The following IGHMBP2 variants were observed in gnomAD, a reference collection of about 807,000 sequenced individuals.
The protein encoded by IGHMBP2 is immunoglobulin mu DNA binding protein 2.
Under a neutral mutation model 96.0 loss-of-function variants are expected in IGHMBP2, and 81 were observed. The observed-to-expected ratio is 0.84, with a 90% CI of 0.71 to 1.01. The LOEUF (loss-of-function observed/expected upper bound fraction) is 1.01. Among genes scored for constraint, IGHMBP2 ranks in the 50% least tolerant of loss-of-function variants. IGHMBP2 has a pLI of 0.00. For missense variants in IGHMBP2, 1,227 were observed against 1,306.3 expected (o/e 0.94, Z 0.94); for synonymous variants, 557 against 548.9 (o/e 1.01, Z -0.21).
intron 4 of IGHMBP2, among the ~76,000 whole-genome samples, chr11:68,910,545 G>A (rs188887431): frequency 1.5e-4 from 23 of 152,332 alleles, no homozygotes; most frequent in Non-Finnish European, 2.6e-4. Flanking sequence ...TGCCATGGCT[G>A]CAGGGCTGAG....
chr11:68,935,793 G>T (rs1041435239), intron 12 of IGHMBP2, among the ~76,000 whole-genome samples: 1 of 152,252 alleles, frequency 6.6e-6, no homozygotes. Context: ...GCTGTGGTGT[G>T]TGGGCTTTCC....
intron 3 of IGHMBP2, 97 bp from the exon 4 acceptor site, chr11:68,908,437 T>G: frequency 6.9e-7 from 1 of 1,444,122 alleles, no homozygotes. Flanking sequence ...CAAGTCATGG[T>G]GTGGGTGTGG....
chr11:68,936,454 T>G lies in IGHMBP2; in HGVS notation c.1974T>G (p.Gly658=), dbSNP rs1859531837. 3 of 1,613,844 alleles carry G rather than the reference T, an allele frequency of 1.9e-6. No individual in the cohort carries two copies. Among genetic ancestry groups the G allele is most frequent in the Non-Finnish European group, 2.5e-6 (3 of 1,179,970 alleles). Residue 658 remains glycine (G), a synonymous_variant, in exon 13 of 15, where the codon GGT becomes GGG. Transcript: ENST00000255078. ...PENYSHENSQ[G]SSHAATKPQG... is the part of the protein sequence containing the mutation. ...ACTATTCCCATGAGAACTCCCAGGG[T>G]TCCAGCCACGCTGCCACCAAGCCCC...
intron 7 of IGHMBP2, among the ~76,000 whole-genome samples, chr11:68,920,863 C>G (rs113769030): frequency 2.6e-5 from 4 of 152,314 alleles, no homozygotes; most frequent in African/African-American, 9.6e-5. Context: ...CTTGCTGTAG[C>G]CTTGCATTCT....
At chr11:68,905,814 A>C (rs1858168751) in intron 1 of IGHMBP2, among the ~76,000 whole-genome samples, 1 of 152,180 alleles carries the variant, frequency 6.6e-6, no homozygotes, top group African/African-American at 2.4e-5. Flanking sequence ...ACTTAGTGAC[A>C]GATGGGAGGA....
chr11:68,915,284 A>T (rs1858617198), intron 6 of IGHMBP2, among the ~76,000 whole-genome samples: 1 of 143,104 alleles, frequency 7.0e-6, no homozygotes, highest in Admixed American at 7.3e-5. Flanking sequence ...GGTTCAAGCG[A>T]TTCTCCTGCC....
intron 10 of IGHMBP2, 87 bp downstream of exon 10, chr11:68,934,000 C>T (rs1008352768): frequency 2.4e-5 from 23 of 951,862 alleles, no homozygotes; most frequent in Middle Eastern, 2.1e-4. Flanking sequence ...TGCCTAATTC[C>T]GGGAGGAGCT....
chr11:68,918,578 G>T (rs1272875946), intron 7 of IGHMBP2, among the ~76,000 whole-genome samples: 1 of 152,036 alleles, frequency 6.6e-6, no homozygotes, highest in Non-Finnish European at 1.5e-5. Flanking sequence ...GGAGGTGGAG[G>T]TTGCAGTGAA....
chr11:68,909,691 G>T (rs1405821745), intron 4 of IGHMBP2, among the ~76,000 whole-genome samples: 1 of 148,126 alleles, frequency 6.8e-6, no homozygotes, highest in East Asian at 2.0e-4. Flanking sequence ...GCAGTGGTGC[G>T]ACCTCGGCTC....
At chr11:68,927,733 A>G (rs1054471325) in intron 7 of IGHMBP2, among the ~76,000 whole-genome samples, 2 of 152,230 alleles carry the variant, frequency 1.3e-5, no homozygotes, top group Admixed American at 6.5e-5. Context: ...GGCTGTTTGT[A>G]TTACATGAGC....
rs1859491139 is a variant in IGHMBP2 at position 68,935,524 on chromosome 11, A to G, written c.1756+102A>G. On this transcript the variant is annotated intron_variant, in intron 12 of 14. Transcript: ENST00000255078. ...GCTGGGTGCCACACTGGTTTCTGGC[A>G]GTGTGCTCATGGTGCACCTTCTGTC... is the stretch of plus-strand genomic sequence containing the variant. The G allele has an allele frequency of 2.8e-6, 4 of 1,409,772 alleles. No homozygotes were observed. In the East Asian group the frequency reaches 9.2e-5, roughly 32 times the overall value. The allele number at this position is 1,409,772 out of a possible 1,614,324, so 87.3% of individuals were successfully genotyped here.
rs115320302 is a variant in IGHMBP2, at chr11:68,934,456, C to G, written c.1538-8C>G. The G allele has an allele frequency of 9.2e-4, 1,467 of 1,600,044 alleles. 14 individuals are homozygous for G. The African/African-American group carries it at 0.018, about 19-fold the overall frequency. ...TGTGCTGCTCACCCGTTCTTTCTTT[C>G]CCTCCAGGCGAAGTCCGCCTCGTCA... On this transcript the variant is annotated splice_region_variant and splice_polypyrimidine_tract_variant and intron_variant, in intron 10 of 14. Transcript: ENST00000255078.
intron 8 of IGHMBP2, chr11:68,930,157 A>G: frequency 2.5e-6 from 3 of 1,206,266 alleles, no homozygotes; most frequent in Non-Finnish European, 3.2e-6. Flanking sequence ...AGGGCCTGGC[A>G]CGTGGGCTGT....
rs1385977297 is a variant in IGHMBP2, at chr11:68,929,206, A to C, written c.1084A>C (p.Lys362Gln). Residue 362 changes from lysine (K) to glutamine (Q), a missense_variant, in exon 8 of 15, where the codon AAG (lysine) becomes CAG (glutamine). Coordinates refer to ENST00000255078, the MANE Select transcript of IGHMBP2 (RefSeq NM_002180.3). ...AGGTGCGTCTGCCGATGGCCCCCTG[A>C]AGTTGCTGCCCGAGAGCTACTTCGA... ...NTGASADGPL[K>Q]LLPESYFDVV... The C allele has an allele frequency of 1.2e-6, 2 of 1,613,364 alleles. No individual in the cohort carries two copies. Among genetic ancestry groups the C allele is most frequent in the East Asian group, 2.2e-5 (1 of 44,872 alleles).
In IGHMBP2 at chr11:68,936,459, G is replaced by T; in HGVS notation, c.1979G>T (p.Ser660Ile). The T allele has an allele frequency of 6.2e-7, 1 of 1,613,912 alleles. No homozygotes were observed. Among genetic ancestry groups the T allele is most frequent in the Non-Finnish European group, 8.5e-7 (1 of 1,179,998 alleles). The change falls in exon 13 of 15, where the codon AGC becomes ATC. Residue 660 changes from serine (S) to isoleucine (I), a missense_variant. Ser to Ile is a moderately radical substitution (Grantham distance 142). Coordinates refer to ENST00000255078, the MANE Select transcript of IGHMBP2 (RefSeq NM_002180.3). ...TCCCATGAGAACTCCCAGGGTTCCA[G>T]CCACGCTGCCACCAAGCCCCAGGGA... Reference protein sequence around the residue: ...NYSHENSQGSSHAATKPQGPA... With the variant: ...NYSHENSQGSIHAATKPQGPA...
intron 7 of IGHMBP2, among the ~76,000 whole-genome samples, chr11:68,925,980 A>G (rs774115280): frequency 2.0e-5 from 3 of 151,128 alleles, no homozygotes; most frequent in Non-Finnish European, 3.0e-5. Flanking sequence ...CGTGTTTTTC[A>G]TCAAATTTGG....
chr11:68,925,004 A>G (rs1414452636), intron 7 of IGHMBP2, among the ~76,000 whole-genome samples: 1 of 151,924 alleles, frequency 6.6e-6, no homozygotes, highest in Non-Finnish European at 1.5e-5. Flanking sequence ...ATGTTAGCAT[A>G]TTTTATGTGT....
At chr11:68,918,332 A>G (rs1858749542) in intron 7 of IGHMBP2, among the ~76,000 whole-genome samples, 1 of 150,842 alleles carries the variant, frequency 6.6e-6, no homozygotes, top group African/African-American at 2.4e-5. Context: ...ATATATACAT[A>G]CATATATATT....
intron 7 of IGHMBP2, among the ~76,000 whole-genome samples, chr11:68,918,619 G>C (rs1004677999): frequency 1.3e-5 from 2 of 151,972 alleles, no homozygotes; most frequent in Non-Finnish European, 2.9e-5. Flanking sequence ...TCCAGCCTGG[G>C]TGACAGAGCA....
Sources: gnomAD v4.1 joint callset for allele counts (sites outside exome capture counted in the v4.1 genomes callset) on GRCh38, gnomAD v4.1.1 for gene constraint, MANE v1.5 for transcripts, NCBI Gene and HGNC (gene_info 2026-07-23, HGNC 2026-07-21) for gene names.